Variants in SUMF1 observed in about 807,000 individuals in gnomAD.
SUMF1 encodes formylglycine-generating enzyme.
A neutral mutation model predicts 47.6 loss-of-function variants in SUMF1; 48 were observed. That is an observed-to-expected ratio of 1.01 (90% confidence interval 0.80 to 1.28). The LOEUF (loss-of-function observed/expected upper bound fraction) is 1.28. SUMF1 is among the 50% of genes most tolerant of loss of function. The pLI is 0.00. For missense variants in SUMF1, 571 were observed against 485.4 expected, an observed-to-expected ratio of 1.18 and a Z score of -1.66; for synonymous variants, 230 against 192.1, an observed-to-expected ratio of 1.20 and a Z score of -1.63.
At chr3:4,166,232 T>G (rs1040675848) in intron 8 of SUMF1, among the ~76,000 whole-genome samples, 2 of 152,142 alleles carry the variant, frequency 1.3e-5, no homozygotes, top group African/African-American at 4.8e-5. Context: ...ACTGGGACCT[T>G]ACCTTTCTCC....
At chr3:4,379,226 A>ATAGGGCT (rs1444131587) in intron 7 of SUMF1, among the ~76,000 whole-genome samples, 2 of 152,244 alleles carry the variant, frequency 1.3e-5, no homozygotes, top group Non-Finnish European at 2.9e-5. Context: ...GCTCATTCAC[A>ATAGGGCT]GCCCTAGTGT....
intron 8 of SUMF1, among the ~76,000 whole-genome samples, chr3:4,254,525 T>A (rs1437670683): frequency 6.8e-6 from 1 of 148,020 alleles, no homozygotes; most frequent in Non-Finnish European, 1.5e-5. Flanking sequence ...CAATGGAAGA[T>A]GAAATGAATG....
intron 9 of SUMF1, among the ~76,000 whole-genome samples, chr3:4,067,406 C>G (rs1439667504): frequency 6.6e-6 from 1 of 152,170 alleles, no homozygotes; most frequent in Non-Finnish European, 1.5e-5. Context: ...CATAACTGAG[C>G]CTTTGGCAGG....
chr3:4,241,192 G>C (rs1036269927), intron 8 of SUMF1, among the ~76,000 whole-genome samples: 2 of 152,146 alleles, frequency 1.3e-5, no homozygotes, highest in East Asian at 3.9e-4. Flanking sequence ...AAATATATCT[G>C]TGTAATAGAA....
At chr3:4,240,376 G>A (rs541641375) in intron 8 of SUMF1, among the ~76,000 whole-genome samples, 25 of 152,164 alleles carry the variant, frequency 1.6e-4, no homozygotes, top group African/African-American at 5.8e-4. Flanking sequence ...ATTCAGGTGT[G>A]AATCCATCTG....
chr3:4,068,703 C>T (rs1695439984), exon 9 of SUMF1: 1 of 446,394 alleles, frequency 2.2e-6, no homozygotes, highest in Non-Finnish European at 4.5e-6. Flanking sequence ...CTCAACATCT[C>T]AGATGCCACA....
At chr3:4,137,576 C>T (rs1356315629) in intron 8 of SUMF1, among the ~76,000 whole-genome samples, 1 of 152,134 alleles carries the variant, frequency 6.6e-6, no homozygotes, top group Non-Finnish European at 1.5e-5. Context: ...ACATAGGTAA[C>T]AAACCTGCAC....
At chr3:4,133,534 A>T (rs1693842973) in intron 8 of SUMF1, among the ~76,000 whole-genome samples, 1 of 152,124 alleles carries the variant, frequency 6.6e-6, no homozygotes, top group South Asian at 2.1e-4. Context: ...GTGCTGCAAA[A>T]GGCAGACCCA....
intron 8 of SUMF1, among the ~76,000 whole-genome samples, chr3:4,288,336 C>G (rs531229701): frequency 6.6e-6 from 1 of 152,182 alleles, no homozygotes; most frequent in South Asian, 2.1e-4. Flanking sequence ...GATTAAGAAC[C>G]AGAAATTATT....
chr3:4,456,606 C>A (rs1269470325), intron 1 of SUMF1, among the ~76,000 whole-genome samples: 14 of 136,054 alleles, frequency 1.0e-4, no homozygotes, highest in Admixed American at 6.8e-4. Context: ...CACCCGCCAC[C>A]ACACCAGGCT....
At chr3:4,260,761 T>G (rs1011704165) in intron 8 of SUMF1, among the ~76,000 whole-genome samples, 27 of 151,994 alleles carry the variant, frequency 1.8e-4, no homozygotes, top group African/African-American at 6.5e-4. Context: ...AATTTAATAC[T>G]GGCAGAGACT....
intron 8 of SUMF1, among the ~76,000 whole-genome samples, chr3:4,234,352 T>C (rs1696364169): frequency 6.6e-6 from 1 of 152,140 alleles, no homozygotes; most frequent in Non-Finnish European, 1.5e-5. Context: ...TTTCAACTTC[T>C]AAGCACAAGC....
chr3:4,097,711 G>C (rs1021746920), intron 8 of SUMF1, among the ~76,000 whole-genome samples: 58 of 152,070 alleles, frequency 3.8e-4, no homozygotes, highest in Non-Finnish European at 8.8e-5. Context: ...AGGACAATGT[G>C]CCACATTTAT....
chr3:4,348,315 G>T (rs1469384374), intron 8 of SUMF1, among the ~76,000 whole-genome samples: 3 of 152,130 alleles, frequency 2.0e-5, no homozygotes, highest in African/African-American at 7.2e-5. Context: ...GCATGGTACT[G>T]GTACCAAAAC....
chr3:4,278,287 A>G (rs1373296622), intron 8 of SUMF1, among the ~76,000 whole-genome samples: 1 of 152,120 alleles, frequency 6.6e-6, no homozygotes, highest in African/African-American at 2.4e-5. Context: ...TATTGTACCA[A>G]CTACCTTATT....
chr3:4,430,695 A>G (rs1353726908), intron 3 of SUMF1, among the ~76,000 whole-genome samples: 1 of 152,082 alleles, frequency 6.6e-6, no homozygotes, highest in East Asian at 1.9e-4. Context: ...AGGGAAGACA[A>G]ACAAGCAGAT....
chr3:4,127,906 G>C (rs1452460377), intron 8 of SUMF1, among the ~76,000 whole-genome samples: 1 of 152,070 alleles, frequency 6.6e-6, no homozygotes, highest in Non-Finnish European at 1.5e-5. Context: ...GGCATGAACT[G>C]TTTAGAGACT....
intron 8 of SUMF1, among the ~76,000 whole-genome samples, chr3:4,205,030 C>T (rs1695621642): frequency 6.6e-6 from 1 of 152,020 alleles, no homozygotes; most frequent in Non-Finnish European, 1.5e-5. Context: ...GGCCTCTGAG[C>T]CCAAGCTAAG....
intron 8 of SUMF1, among the ~76,000 whole-genome samples, chr3:4,231,953 T>C (rs1251787383): frequency 6.6e-6 from 1 of 152,168 alleles, no homozygotes. Flanking sequence ...TCTTAATTTG[T>C]CAAGTGGCAA....
Sources: gnomAD v4.1 joint callset for allele counts (sites outside exome capture counted in the v4.1 genomes callset) on GRCh38, gnomAD v4.1.1 for gene constraint, MANE v1.5 for transcripts, NCBI Gene and HGNC (gene_info 2026-07-23, HGNC 2026-07-21) for gene names.